HMCN1: variants seen among roughly 807,000 people sequenced by gnomAD.
HMCN1 encodes the protein hemicentin-1.
In HMCN1, 321 loss-of-function variants were observed where a neutral mutation model predicts 625.9. That is an observed-to-expected ratio of 0.51 (90% confidence interval 0.47 to 0.56). HMCN1 has a LOEUF of 0.56. Ranked by LOEUF, HMCN1 falls within the 20% of genes least tolerant of loss-of-function variation. The pLI is 0.00. For missense variants in HMCN1, 6,588 were observed against 6,887.3 expected (o/e 0.96, Z 1.54); for synonymous variants, 2,425 against 2,417.6 (o/e 1.00, Z -0.09).
chr1:186,112,157 C>G (rs1210224074), intron 71 of HMCN1, among the ~76,000 whole-genome samples: 5 of 152,124 alleles, frequency 3.3e-5, no homozygotes, highest in Non-Finnish European at 7.4e-5. Flanking sequence ...AAAATAAATT[C>G]TTAAGAAATA....
chr1:186,155,996 A>G (rs920010078), intron 97 of HMCN1, among the ~76,000 whole-genome samples: 1 of 152,232 alleles, frequency 6.6e-6, no homozygotes, highest in Non-Finnish European at 1.5e-5. Flanking sequence ...TATTTTTAAC[A>G]CAGACCCTAA....
intron 33 of HMCN1, 48 bp downstream of exon 33, chr1:186,017,119 A>C: frequency 1.1e-6 from 1 of 930,644 alleles, no homozygotes; most frequent in East Asian, 2.4e-5. Flanking sequence ...TTTTGTTTTG[A>C]GTGTTTTAGA....
intron 1 of HMCN1, among the ~76,000 whole-genome samples, chr1:185,803,204 G>GAAAAAAAAAAAAAAAAAAAAAAAAA (rs1557981375): frequency 2.1e-4 from 5 of 23,706 alleles, no homozygotes; most frequent in Non-Finnish European, 3.3e-4. Flanking sequence ...AAAAAAAAAA[G>GAAAAAAAAAAAAAAAAAAAAAAAAA]CAAAAAAAAA....
At chr1:186,111,272 C>T (rs961461237) in intron 71 of HMCN1, among the ~76,000 whole-genome samples, 11 of 151,996 alleles carry the variant, frequency 7.2e-5, no homozygotes, top group African/African-American at 1.7e-4. Flanking sequence ...TGAGCCACCG[C>T]GCCCGGCCAA....
At chr1:185,753,911 A>G (rs1654971764) in intron 1 of HMCN1, among the ~76,000 whole-genome samples, 1 of 152,208 alleles carries the variant, frequency 6.6e-6, no homozygotes, top group Non-Finnish European at 1.5e-5. Flanking sequence ...CAGCAGTCAC[A>G]CTTCTGGGTA....
chr1:186,100,701 G>A (rs966695219), intron 68 of HMCN1, among the ~76,000 whole-genome samples: 2 of 152,146 alleles, frequency 1.3e-5, no homozygotes, highest in African/African-American at 4.8e-5. Flanking sequence ...ATTGTGTTTG[G>A]CTGTGAATTA....
At position 186,038,057 on chromosome 1, in the gene HMCN1, G is replaced by T. The variant is rs754411725; in HGVS notation, c.5851+22G>T. 4 of 1,423,396 alleles carry T rather than the reference G, an allele frequency of 2.8e-6. No homozygotes were observed. The Admixed American group carries it at 6.7e-5, about 24-fold the overall frequency. 88.2% of individuals were successfully genotyped at this position (1,423,396 alleles called of 1,614,324 possible). A position where few individuals can be genotyped will look rare whatever the true frequency, so the allele number is the denominator to read the frequency against. ...CCTGGTACATTTACTTTTGAACTCT[G>T]TAACTTAATATTTTAAGATTTCTGG... is the stretch of plus-strand genomic sequence containing the variant. On this transcript the variant is annotated intron_variant, in intron 37 of 106. Coordinates refer to ENST00000271588, the MANE Select transcript of HMCN1 (RefSeq NM_031935.3).
intron 4 of HMCN1, among the ~76,000 whole-genome samples, chr1:185,877,931 T>A (rs1172117666): frequency 6.6e-6 from 1 of 152,134 alleles, no homozygotes; most frequent in African/African-American, 2.4e-5. Context: ...GTTGTTCCTC[T>A]CTTTGTCCCC....
chr1:186,063,460 AGG>A (rs1657895702), intron 48 of HMCN1, among the ~76,000 whole-genome samples: 11 of 35,948 alleles, frequency 3.1e-4, no homozygotes, highest in Non-Finnish European at 4.7e-5. Flanking sequence ...GAAGGAAGGA[AGG>A]AAGGAAGGAA....
chr1:186,064,897 T>C (rs1025603869), intron 48 of HMCN1, among the ~76,000 whole-genome samples: 9 of 151,806 alleles, frequency 5.9e-5, no homozygotes, highest in African/African-American at 2.4e-5. Context: ...ATTTAAAAAC[T>C]GTACTTTACT....
chr1:185,825,120 A>G (rs138002898), intron 1 of HMCN1, among the ~76,000 whole-genome samples: 549 of 152,232 alleles, frequency 3.6e-3, no homozygotes, highest in African/African-American at 0.012. Context: ...TTGAACATCT[A>G]TGTGTTAGGA....
rs753858480 is a variant in HMCN1 at position 186,038,036 on chromosome 1, G to A, written c.5851+1G>A. On this transcript the variant is annotated splice_donor_variant, in intron 37 of 106. Coordinates refer to ENST00000271588, the MANE Select transcript of HMCN1 (RefSeq NM_031935.3). LOFTEE classifies it high-confidence loss of function. ...AAGGCAGCTGGAAATCCTGTGCCTG[G>A]TACATTTACTTTTGAACTCTGTAAC... is the stretch of plus-strand genomic sequence containing the variant. 6.3e-7 allele frequency: 1 copy of A among 1,581,548 alleles called. No homozygotes were observed. Among genetic ancestry groups the A allele is most frequent in the South Asian group, 1.1e-5 (1 of 90,424 alleles).
At chr1:186,185,173 C>T (rs1386257550) in intron 105 of HMCN1, among the ~76,000 whole-genome samples, 1 of 152,172 alleles carries the variant, frequency 6.6e-6, no homozygotes, top group Non-Finnish European at 1.5e-5. Context: ...TAAATAACAA[C>T]TTACTATGCA....
rs143665535 is a variant in HMCN1 at position 186,172,081 on chromosome 1, T to C, written c.15764T>C (p.Ile5255Thr). 1,469 of 1,613,888 alleles carry C rather than the reference T, an allele frequency of 9.1e-4. 2 individuals are homozygous for C. Among genetic ancestry groups the C allele is most frequent in the Non-Finnish European group, 1.1e-3 (1,351 of 1,179,794 alleles). Residue 5255 changes from isoleucine to threonine, a missense_variant, in exon 102 of 107, where the codon ATT (isoleucine) becomes ACT (threonine). Ile to Thr is a moderately conservative substitution (Grantham distance 89). Around this residue, in one of 3 missense-constraint regions of HMCN1, gnomAD observed 1,954 missense variants for 2,013.1 expected, o/e 0.97. Transcript: ENST00000271588. ...CKNTRGGYKC[I>T]DLCPNGMTKA... ...AACACCCGTGGTGGCTATAAGTGCA[T>C]TGATCTTTGTCCAAATGGAATGACC...
intron 50 of HMCN1, 144 bp downstream of exon 50, chr1:186,068,151 C>A: frequency 2.5e-6 from 2 of 791,348 alleles, no homozygotes; most frequent in East Asian, 2.6e-5. Flanking sequence ...TAATAGGCCA[C>A]AGGCTGGTCC....
chr1:186,163,207 G>A (rs935311447), intron 97 of HMCN1, among the ~76,000 whole-genome samples: 4 of 152,224 alleles, frequency 2.6e-5, no homozygotes, highest in Admixed American at 1.3e-4. Flanking sequence ...AGGACCCTCT[G>A]AGCCAGGTGC....
rs751120353 is a variant in HMCN1, at chr1:186,103,704, G to T, written c.10770+36G>T. ...AAGTTCATAGAATTATTTTAGGTTA[G>T]GTCAAACTTCTCACTTGCTAATATA... On this transcript the variant is annotated intron_variant, in intron 69 of 106. Transcript: ENST00000271588. 1.9e-6 allele frequency: 3 copies of T among 1,562,760 alleles called. No homozygotes were observed. In the South Asian group the frequency reaches 3.4e-5, roughly 18 times the overall value.
At chr1:186,067,779 C>T (rs897933991) in intron 49 of HMCN1, 55 bp from the exon 50 acceptor site, 28 of 1,243,244 alleles carry the variant, frequency 2.3e-5, no homozygotes, top group Non-Finnish European at 3.1e-5. Flanking sequence ...TTTAGAAATG[C>T]ACAAATATAC....
chr1:186,140,637 T>C (rs1402241475), intron 89 of HMCN1, among the ~76,000 whole-genome samples: 1 of 152,160 alleles, frequency 6.6e-6, no homozygotes, highest in Non-Finnish European at 1.5e-5. Flanking sequence ...ATAAACATCT[T>C]ATCAACCTTT....
Sources: allele counts gnomAD v4.1 joint callset (sites outside exome capture counted in the v4.1 genomes callset), GRCh38; gene constraint gnomAD v4.1.1; regional missense constraint gnomAD v4.1.1; transcripts MANE v1.5; gene names NCBI Gene and HGNC (gene_info 2026-07-23, HGNC 2026-07-21).